The following GPD1 variants were observed in gnomAD, a reference collection of about 807,000 sequenced individuals.
GPD1 encodes glycerol-3-phosphate dehydrogenase [NAD(+)], cytoplasmic.
A neutral mutation model predicts 34.4 loss-of-function variants in GPD1; 19 were observed. That is an observed-to-expected ratio of 0.55 (90% CI 0.39 to 0.81). The LOEUF is 0.81. Ranked by LOEUF, GPD1 falls within the 30% of genes least tolerant of loss-of-function variation. The pLI, the probability that GPD1 is intolerant of heterozygous loss-of-function variation, is 0.00. For missense variants in GPD1, 429 were observed against 447.0 expected (o/e 0.96, Z 0.36); for synonymous variants, 172 against 174.1 (o/e 0.99, Z 0.09).
At chr12:50,107,049 T>G in intron 5 of GPD1, 132 bp downstream of exon 5, 1 of 716,088 alleles carries the variant, frequency 1.4e-6, no homozygotes, top group Non-Finnish European at 2.6e-6. Flanking sequence ...CCATGTCCCA[T>G]GCATATAGGA....
Position 50,107,766 on chromosome 12 carries a change from G to C in GPD1, c.812G>C (p.Arg271Pro). 6.2e-7 allele frequency: 1 copy of C among 1,613,940 alleles called. No individual in the cohort carries two copies. Among genetic ancestry groups the C allele is most frequent in the African/African-American group, 1.3e-5 (1 of 75,024 alleles). The change falls in exon 6 of 8, where the codon CGG (arginine) becomes CCG (proline). Residue 271 changes from arginine to proline, a missense_variant. Arg to Pro is a moderately radical substitution (Grantham distance 103, BLOSUM62 -2). Coordinates refer to ENST00000301149, the MANE Select transcript of GPD1 (RefSeq NM_005276.4). Reference sequence around the variant, plus strand: ...ACTACCTGCTATGGAGGGCGGAACCGGAAAGTGGCTGAGGCCTTTGCGCGT... The same window carrying C: ...ACTACCTGCTATGGAGGGCGGAACCCGAAAGTGGCTGAGGCCTTTGCGCGT... ...LITTCYGGRN[R>P]KVAEAFARTG...
At chr12:50,104,129 G>T (rs764123462) in intron 1 of GPD1, 38 bp downstream of exon 1, 5 of 1,595,462 alleles carry the variant, frequency 3.1e-6, no homozygotes, top group Admixed American at 1.7e-5. Context: ...GGAAGGGTAG[G>T]CCCCCCAAGA....
chr12:50,106,763 A>G, intron 4 of GPD1, 42 bp from the exon 5 acceptor site: 2 of 1,125,944 alleles, frequency 1.8e-6, no homozygotes, highest in South Asian at 3.0e-5. Flanking sequence ...TATTTTTTAA[A>G]AAGAGTCCTT....
At position 50,109,476 on chromosome 12, in the gene GPD1, G is replaced by C; in HGVS notation, c.1007G>C (p.Gly336Ala). Reference sequence around the variant, plus strand: ...GTGTGCTACGAGGGCCAGCCAGTGGGTGAATTCATCCACTGCCTGCAGAAT... The same window carrying C: ...GTGTGCTACGAGGGCCAGCCAGTGGCTGAATTCATCCACTGCCTGCAGAAT... ...YKVCYEGQPV[G>A]EFIHCLQNHP... Residue 336 changes from glycine (G) to alanine (A), a missense_variant, in exon 8 of 8, where the codon GGT becomes GCT. Coordinates refer to ENST00000301149, the MANE Select transcript of GPD1 (RefSeq NM_005276.4). 6.3e-7 allele frequency: 1 copy of C among 1,589,560 alleles called. No individual in the cohort carries two copies. The highest frequency in any genetic ancestry group is 1.1e-5 in the South Asian group (1 of 90,634).
chr12:50,108,249 C>T, intron 7 of GPD1, 119 bp downstream of exon 7: 1 of 679,208 alleles, frequency 1.5e-6, no homozygotes, highest in Non-Finnish European at 2.7e-6. Context: ...GGAGTATTAC[C>T]TTACATTTCA....
intron 3 of GPD1, 41 bp from the exon 4 acceptor site, chr12:50,106,247 G>A (rs369876806): frequency 3.2e-5 from 49 of 1,544,036 alleles, no homozygotes; most frequent in Non-Finnish European, 4.1e-5. Context: ...CCCGCAGGTG[G>A]GCCCAAAGGG....
Position 50,107,658 on chromosome 12 carries a change from T to C in GPD1, c.704T>C (p.Met235Thr). The change falls in exon 6 of 8, where the codon ATG becomes ACG. Residue 235 changes from methionine to threonine, a missense_variant. Physicochemically the swap from Met to Thr is moderately conservative, Grantham distance 81 (BLOSUM62 -1). Transcript: ENST00000301149. ...GTGATCCGGCTGGGACTCATGGAGA[T>C]GATAGCCTTCGCCAAGCTCTTCTGC... is the stretch of plus-strand genomic sequence containing the variant. Reference protein sequence around the residue: ...AAVIRLGLMEMIAFAKLFCSG... With the variant: ...AAVIRLGLMETIAFAKLFCSG... The C allele has an allele frequency of 6.2e-7, 1 of 1,614,140 alleles. No individual in the cohort carries two copies. The highest frequency in any genetic ancestry group is 8.5e-7 in the Non-Finnish European group (1 of 1,179,982).
At chr12:50,108,264 G>T in intron 7 of GPD1, 134 bp downstream of exon 7, 1 of 654,892 alleles carries the variant, frequency 1.5e-6, no homozygotes. Flanking sequence ...ATTTCAGACA[G>T]AGTCCAGAGC....
intron 6 of GPD1, 56 bp downstream of exon 6, chr12:50,107,856 G>A (rs751837183): frequency 7.8e-7 from 1 of 1,280,500 alleles, no homozygotes; most frequent in Non-Finnish European, 1.1e-6. Flanking sequence ...TCCAGGTAGA[G>A]GTGCTTGGCG....
In GPD1 at chr12:50,110,141, TC is replaced by T. The variant is rs1054237611; in HGVS notation, c.*627del. 2.0e-5 allele frequency: 3 copies of T among 152,542 alleles called. No homozygotes were observed. The highest frequency in any genetic ancestry group is 7.3e-5 in the African/African-American group (3 of 41,372). 9.4% of individuals were successfully genotyped at this position (152,542 alleles called of 1,614,324 possible). ...CTGTGTCCTCAGAAACCTCTGGTTC[TC>T]CCCCTTCCCCCTCCCCCAGGCTGCC... On this transcript the variant is annotated 3_prime_UTR_variant, in exon 8 of 8. Transcript: ENST00000301149.
At position 50,110,578 on chromosome 12, in the gene GPD1, T is replaced by G. The variant is rs1951015664; in HGVS notation, c.*1059T>G. The stretch of plus-strand genomic sequence containing the variant: ...TAACCAGCTAACCATGCCTGGCATC[T>G]GGAAGCCAGCAGGCCAGAGGGTGGC... On this transcript the variant is annotated 3_prime_UTR_variant, in exon 8 of 8. Coordinates refer to ENST00000301149, the MANE Select transcript of GPD1 (RefSeq NM_005276.4). The G allele has an allele frequency of 6.6e-6, 1 of 152,600 alleles. No individual in the cohort carries two copies. Among genetic ancestry groups the G allele is most frequent in the East Asian group, 1.9e-4 (1 of 5,190 alleles). 9.5% of individuals were successfully genotyped at this position (152,600 alleles called of 1,614,324 possible). A position where few individuals can be genotyped will look rare whatever the true frequency, so the allele number is the denominator to read the frequency against.
intron 1 of GPD1, 157 bp from the exon 2 acceptor site, chr12:50,104,417 C>T: frequency 1.4e-6 from 1 of 725,462 alleles, no homozygotes; most frequent in Non-Finnish European, 2.5e-6. Context: ...ACTGCCAGGT[C>T]ACTGGGGACT....
intron 5 of GPD1, chr12:50,107,300 A>G: frequency 1.5e-6 from 1 of 664,662 alleles, no homozygotes; most frequent in Non-Finnish European, 2.8e-6. Context: ...TGAGGGCTGT[A>G]CAATGGAATG....
In GPD1 at chr12:50,106,887, G is replaced by A; in HGVS notation, c.582G>A (p.Val194=). Reference sequence around the variant, plus strand: ...TCCGTATCACAGTGGTGCAAGAGGTGGACACAGTAGAGATCTGTGGAGCCT... The same window carrying A: ...TCCGTATCACAGTGGTGCAAGAGGTAGACACAGTAGAGATCTGTGGAGCCT... ...PNFRITVVQE[V]DTVEICGALK... is the part of the protein sequence containing the mutation. Residue 194 remains valine, a synonymous_variant, in exon 5 of 8, where the codon GTG becomes GTA. Transcript: ENST00000301149. 6.2e-7 allele frequency: 1 copy of A among 1,611,344 alleles called. No individual in the cohort carries two copies. Among genetic ancestry groups the A allele is most frequent in the Non-Finnish European group, 8.5e-7 (1 of 1,177,422 alleles).
chr12:50,105,812 A>G (rs1950974119), intron 3 of GPD1, 124 bp downstream of exon 3: 17 of 1,002,560 alleles, frequency 1.7e-5, no homozygotes, highest in Non-Finnish European at 2.3e-5. Context: ...GAGAAAAGAG[A>G]GGCAGTTGGC....
Position 50,108,047 on chromosome 12 carries a change from G to A in GPD1, c.870G>A (p.Glu290=), listed in dbSNP as rs1441877558. 6.2e-7 allele frequency: 1 copy of A among 1,612,484 alleles called. No homozygotes were observed. Among genetic ancestry groups the A allele is most frequent in the South Asian group, 1.1e-5 (1 of 90,904 alleles). The part of the protein sequence containing the change: ...TGKSIEQLEK[E]LLNGQKLQGP... Reference sequence around the variant, plus strand: ...AGTCCATTGAGCAGCTGGAGAAAGAGTTGCTGAATGGGCAGAAACTGCAGG... The same window carrying A: ...AGTCCATTGAGCAGCTGGAGAAAGAATTGCTGAATGGGCAGAAACTGCAGG... Residue 290 remains glutamate (E), a synonymous_variant, in exon 7 of 8, where the codon GAG becomes GAA. Transcript: ENST00000301149.
At chr12:50,108,615 A>G (rs543967171) in intron 7 of GPD1, among the ~76,000 whole-genome samples, 32 of 152,306 alleles carry the variant, frequency 2.1e-4, no homozygotes, top group Admixed American at 1.9e-3. Context: ...GGTCTGAGAA[A>G]GACTCCTAGA....
chr12:50,104,231 G>A, intron 1 of GPD1, 140 bp downstream of exon 1: 1 of 856,328 alleles, frequency 1.2e-6, no homozygotes, highest in Non-Finnish European at 2.0e-6. Context: ...GCACAGGACA[G>A]ACGGTGCCCG....
chr12:50,109,591 C>T lies in GPD1; in HGVS notation c.*72C>T, dbSNP rs1165405265. ...CCAGCAGAAGCCTGGGGTACCTAGTCACCAGGATCTCCAGGACTCCCAGGG... is the reference window on the plus strand; with the variant it reads ...CCAGCAGAAGCCTGGGGTACCTAGTTACCAGGATCTCCAGGACTCCCAGGG... On this transcript the variant is annotated 3_prime_UTR_variant, in exon 8 of 8. Coordinates refer to ENST00000301149, the MANE Select transcript of GPD1 (RefSeq NM_005276.4). The T allele has an allele frequency of 2.5e-6, 2 of 789,748 alleles. No individual in the cohort carries two copies. The highest frequency in any genetic ancestry group is 4.6e-6 in the Non-Finnish European group (2 of 436,338). The allele number at this position is 789,748 out of a possible 1,614,324, so 48.9% of individuals were successfully genotyped here. A position where few individuals can be genotyped will look rare whatever the true frequency, so the allele number is the denominator to read the frequency against.
Sources: allele counts gnomAD v4.1 joint callset (sites outside exome capture counted in the v4.1 genomes callset), GRCh38; gene constraint gnomAD v4.1.1; transcripts MANE v1.5; gene names NCBI Gene and HGNC (gene_info 2026-07-23, HGNC 2026-07-21).